The following TIAM2 variants were observed in gnomAD, a reference collection of about 807,000 sequenced individuals.
TIAM2 encodes the protein TIAM Rac1 associated GEF 2, also known as rho guanine nucleotide exchange factor TIAM2.
TIAM2 carries 80 observed loss-of-function variants against 152.9 expected under a neutral mutation model. The ratio of observed to expected loss-of-function variants is 0.52; its 90% CI spans 0.44 to 0.63. The LOEUF (loss-of-function observed/expected upper bound fraction) is 0.63. Among genes scored for constraint, TIAM2 ranks in the 30% least tolerant of loss-of-function variants. TIAM2 has a pLI of 0.00. For missense variants in TIAM2, 1,965 were observed against 2,120.1 expected (o/e 0.93, Z 1.44); for synonymous variants, 804 against 838.0 (o/e 0.96, Z 0.70).
chr6:155,254,896 C>T, intron 26 of TIAM2: 1 of 222,648 alleles, frequency 4.5e-6, no homozygotes, highest in Non-Finnish European at 9.1e-6. Flanking sequence ...CAGTGCCAGG[C>T]ATCCTGAAGG....
At chr6:155,085,469 G>A (rs1039792489) in intron 1 of TIAM2, among the ~76,000 whole-genome samples, 11 of 151,830 alleles carry the variant, frequency 7.2e-5, no homozygotes, top group Non-Finnish European at 1.5e-4. Context: ...GACAATGAAA[G>A]TTTTATAAAC....
chr6:155,107,797 C>T (rs974581862), intron 2 of TIAM2, among the ~76,000 whole-genome samples: 4 of 152,036 alleles, frequency 2.6e-5, no homozygotes, highest in African/African-American at 9.7e-5. Context: ...TATTCTAGTC[C>T]ATTAGAGGCT....
intron 2 of TIAM2, among the ~76,000 whole-genome samples, chr6:155,123,647 A>C (rs1779225110): frequency 1.3e-5 from 2 of 152,164 alleles, no homozygotes; most frequent in Non-Finnish European, 2.9e-5. Context: ...GCGGCTTTGA[A>C]TTCTGGCCTC....
Position 155,139,901 on chromosome 6 carries a change from C to T in TIAM2, c.1630+2289C>T, listed in dbSNP as rs571954001. On this transcript the variant is annotated intron_variant, in intron 5 of 26. Coordinates refer to ENST00000682666, the MANE Select transcript of TIAM2 (RefSeq NM_012454.4). Reference sequence around the variant, plus strand: ...GTTGCAGAGAGCTGAGATCATGCCACTGCACTCCAGCCTGGGCGATGAGTG... The same window carrying T: ...GTTGCAGAGAGCTGAGATCATGCCATTGCACTCCAGCCTGGGCGATGAGTG... Among the ~76,000 whole-genome samples the T allele has an allele frequency of 1.6e-4, 24 of 152,328 alleles. 1 individual carries two copies. In the South Asian group the frequency reaches 2.9e-3, roughly 18 times the overall value.
intron 1 of TIAM2, among the ~76,000 whole-genome samples, chr6:155,017,733 G>A (rs1206551282): frequency 6.6e-6 from 1 of 152,058 alleles, no homozygotes; most frequent in Non-Finnish European, 1.5e-5. Context: ...TCAATCTCCT[G>A]ACCTCATGAT....
Position 155,148,214 on chromosome 6 carries a change from G to T in TIAM2, c.1908G>T (p.Leu636=). 6.2e-7 allele frequency: 1 copy of T among 1,613,174 alleles called. No individual in the cohort carries two copies. Among genetic ancestry groups the T allele is most frequent in the Non-Finnish European group, 8.5e-7 (1 of 1,180,004 alleles). The change falls in exon 7 of 27, where the codon CTG becomes CTT. Residue 636 remains leucine (L), a synonymous_variant. Transcript: ENST00000682666. Reference sequence around the variant, plus strand: ...GGAAAGAGGACACGCTGCGGCTGCTGAAGAACCAGACCAAAAACCTGCTTC... The same window carrying T: ...GGAAAGAGGACACGCTGCGGCTGCTTAAGAACCAGACCAAAAACCTGCTTC... ...KHGKEDTLRL[L]KNQTKNLLQK... is the part of the protein sequence containing the mutation.
At chr6:155,147,803 T>C (rs1562332176) in intron 6 of TIAM2, among the ~76,000 whole-genome samples, 1 of 151,772 alleles carries the variant, frequency 6.6e-6, no homozygotes, top group Non-Finnish European at 1.5e-5. Flanking sequence ...TTTTAGAGAG[T>C]GGCGTAATGT....
chr6:155,141,837 G>A (rs1038866426), intron 5 of TIAM2, among the ~76,000 whole-genome samples: 2 of 152,140 alleles, frequency 1.3e-5, no homozygotes, highest in African/African-American at 4.8e-5. Flanking sequence ...TAGAAAAGGT[G>A]GATTTGAGGG....
intron 15 of TIAM2, among the ~76,000 whole-genome samples, chr6:155,224,871 A>G (rs148960071): frequency 6.6e-6 from 1 of 152,352 alleles, no homozygotes; most frequent in Non-Finnish European, 1.5e-5. Flanking sequence ...CTGCTCAGAA[A>G]CCACAAATGC....
chr6:155,208,465 A>T (rs1449217031), intron 14 of TIAM2, among the ~76,000 whole-genome samples: 1 of 151,946 alleles, frequency 6.6e-6, no homozygotes, highest in Admixed American at 6.6e-5. Flanking sequence ...TAGTCTGATG[A>T]CTTCCAAATC....
chr6:155,017,129 C>T (rs539825714), intron 1 of TIAM2, among the ~76,000 whole-genome samples: 4 of 152,046 alleles, frequency 2.6e-5, no homozygotes, highest in African/African-American at 4.8e-5. Context: ...CCTTGCCCAC[C>T]GCATTCGGTG....
intron 14 of TIAM2, among the ~76,000 whole-genome samples, chr6:155,205,351 GA>G (rs1781573166): frequency 6.6e-6 from 1 of 152,012 alleles, no homozygotes; most frequent in Non-Finnish European, 1.5e-5. Context: ...TGCTGTTCCG[GA>G]GAACTGGGGA....
intron 23 of TIAM2, among the ~76,000 whole-genome samples, chr6:155,252,298 C>T (rs373900341): frequency 1.3e-5 from 2 of 152,152 alleles, no homozygotes. Context: ...ATGGTGAAAC[C>T]CTGCCTCTAC....
Position 155,198,094 on chromosome 6 carries a change from G to A in TIAM2, c.3065-13110G>A, listed in dbSNP as rs141719593. 2.8e-4 allele frequency among the ~76,000 whole-genome samples: 42 copies of A among 152,324 alleles called. No individual in the cohort carries two copies. In the East Asian group the frequency reaches 7.5e-3, roughly 27 times the overall value. On this transcript the variant is annotated intron_variant, in intron 14 of 26. Coordinates refer to ENST00000682666, the MANE Select transcript of TIAM2 (RefSeq NM_012454.4). ...TCTCTTTTACAATTGTAGTCTGTGA[G>A]AAGTGTGGGGCTGCTTGCATGTCAC...
chr6:155,116,086 G>A (rs978730586), intron 2 of TIAM2, among the ~76,000 whole-genome samples: 1 of 152,202 alleles, frequency 6.6e-6, no homozygotes, highest in African/African-American at 2.4e-5. Context: ...CTGGGTGACA[G>A]AGAGAGACTG....
chr6:155,036,581 ATTATTTATTTAT>A (rs138150629), intron 1 of TIAM2, among the ~76,000 whole-genome samples: 61,838 of 143,736 alleles, frequency 0.43, 14,649 homozygotes, highest in Middle Eastern at 0.53. Context: ...GTTTGGAGAA[ATTATTTATTTAT>A]TTATTTATTT....
chr6:155,076,517 C>G (rs1484342893), intron 1 of TIAM2, among the ~76,000 whole-genome samples: 1 of 151,968 alleles, frequency 6.6e-6, no homozygotes, highest in Non-Finnish European at 1.5e-5. Context: ...GAATTTAGGC[C>G]TAGTAATTGT....
chr6:155,005,172 T>A (rs1040000993), intron 1 of TIAM2: 1 of 228,504 alleles, frequency 4.4e-6, no homozygotes, highest in African/African-American at 2.3e-5. Flanking sequence ...CATCAGCAGC[T>A]TGTCCCTCAT....
intron 9 of TIAM2, among the ~76,000 whole-genome samples, chr6:155,173,857 A>G (rs1385519965): frequency 6.6e-6 from 1 of 152,214 alleles, no homozygotes; most frequent in Non-Finnish European, 1.5e-5. Context: ...GAAAGGAGAG[A>G]TAGGAGAGAA....
Sources: allele counts gnomAD v4.1 joint callset (sites outside exome capture counted in the v4.1 genomes callset), GRCh38; gene constraint gnomAD v4.1.1; transcripts MANE v1.5; gene names NCBI Gene and HGNC (gene_info 2026-07-23, HGNC 2026-07-21).